Variants in LSG1 observed in about 807,000 individuals in gnomAD.
LSG1 encodes large 60S subunit nuclear export GTPase 1, also known as large subunit GTPase 1 homolog.
A neutral mutation model predicts 82.6 loss-of-function variants in LSG1; 55 were observed. The observed-to-expected ratio is 0.67, with a 90% confidence interval of 0.54 to 0.83. The LOEUF (loss-of-function observed/expected upper bound fraction) is 0.83, where lower values mean the gene tolerates loss of function less well. LSG1 is among the 40% of genes least tolerant of loss of function. The pLI is 0.00. For missense variants in LSG1, 809 were observed against 807.9 expected (o/e 1.00, Z -0.02); for synonymous variants, 272 against 282.5 (o/e 0.96, Z 0.37).
In LSG1 at chr3:194,640,827, T is replaced by A. The variant is rs9258; in HGVS notation, c.*1241A>T. On this transcript the variant is annotated 3_prime_UTR_variant, in exon 14 of 14. Transcript: ENST00000265245. The stretch of plus-strand genomic sequence containing the variant: ...AAGAGGTTTAATTGGCTCACGGTCC[T>A]GTAGATGGTACAGGAAGCACAGCAG... The A allele has an allele frequency of 0.44, 66,282 of 151,806 alleles. 15,026 individuals carry two copies. Among genetic ancestry groups the A allele is most frequent in the Non-Finnish European group, 0.47 (32,085 of 67,984 alleles). 9.4% of individuals were successfully genotyped at this position (151,806 alleles called of 1,614,324 possible). A position where few individuals can be genotyped will look rare whatever the true frequency, so the allele number is the denominator to read the frequency against.
intron 1 of LSG1, among the ~76,000 whole-genome samples, chr3:194,671,269 G>A (rs1422264840): frequency 6.6e-6 from 1 of 152,138 alleles, no homozygotes; most frequent in Non-Finnish European, 1.5e-5. Flanking sequence ...TTGCTTCAAA[G>A]CTAATAAAAA....
intron 7 of LSG1, among the ~76,000 whole-genome samples, chr3:194,656,513 G>A (rs917284578): frequency 6.6e-6 from 1 of 152,034 alleles, no homozygotes; most frequent in Admixed American, 6.6e-5. Context: ...TGCTGGAGAG[G>A]ATGTGGAGAA....
chr3:194,648,841 CCCT>C, intron 10 of LSG1, 37 bp from the exon 11 acceptor site: 1 of 1,611,758 alleles, frequency 6.2e-7, no homozygotes, highest in South Asian at 1.1e-5. Flanking sequence ...TGAACGGACT[CCCT>C]CCTCCCCATG....
At chr3:194,646,936 A>AT (rs35226885) in intron 11 of LSG1, among the ~76,000 whole-genome samples, 1 of 152,176 alleles carries the variant, frequency 6.6e-6, no homozygotes, top group Admixed American at 6.5e-5. Context: ...ATGTACCTAC[A>AT]TTTTTTTCCC....
At chr3:194,667,945 ATAT>A (rs1560229903) in intron 2 of LSG1, among the ~76,000 whole-genome samples, 4,904 of 71,952 alleles carry the variant, frequency 0.068, 408 homozygotes, top group African/African-American at 0.12. Flanking sequence ...AAAAAAAAAT[ATAT>A]ATATATATAT....
rs1032206932 is a variant in LSG1, at chr3:194,641,978, T to C, written c.*90A>G. 4 of 1,399,054 alleles carry C rather than the reference T, an allele frequency of 2.9e-6. 1 individual carries two copies. The highest frequency in any genetic ancestry group is 2.9e-5 in the African/African-American group (2 of 69,846). The allele number at this position is 1,399,054 out of a possible 1,614,324, so 86.7% of individuals were successfully genotyped here. On this transcript the variant is annotated 3_prime_UTR_variant, in exon 14 of 14. Coordinates refer to ENST00000265245, the MANE Select transcript of LSG1 (RefSeq NM_018385.3). Reference sequence around the variant, plus strand: ...AAGAGCAGGGCCCGTTCTACAGTGCTAGTGTCTTGGGACGGTTCCACAGGC... The same window carrying C: ...AAGAGCAGGGCCCGTTCTACAGTGCCAGTGTCTTGGGACGGTTCCACAGGC...
At chr3:194,644,364 G>C (rs1255911109) in intron 13 of LSG1, among the ~76,000 whole-genome samples, 25 of 113,174 alleles carry the variant, frequency 2.2e-4, no homozygotes, top group Non-Finnish European at 3.6e-4. Flanking sequence ...GCGAGACTCC[G>C]TCTCAAAAAA....
chr3:194,665,687 A>T (rs377507173), intron 4 of LSG1, 44 bp from the exon 5 acceptor site: 4 of 1,225,392 alleles, frequency 3.3e-6, no homozygotes, highest in Non-Finnish European at 4.8e-6. Flanking sequence ...AGATTATAAT[A>T]GACAATTTTT....
In LSG1 at chr3:194,658,894, G is replaced by C; in HGVS notation, c.759+63C>G. 2.1e-6 allele frequency: 3 copies of C among 1,426,590 alleles called. No individual in the cohort carries two copies. In the South Asian group the frequency reaches 3.9e-5, roughly 18 times the overall value. The allele number at this position is 1,426,590 out of a possible 1,614,324, so 88.4% of individuals were successfully genotyped here. A position where few individuals can be genotyped will look rare whatever the true frequency, so the allele number is the denominator to read the frequency against. On this transcript the variant is annotated intron_variant, in intron 7 of 13. Coordinates refer to ENST00000265245, the MANE Select transcript of LSG1 (RefSeq NM_018385.3). ...TAAGAATAAACAAAACACAAACGAAGCACATTAACAAGAAATCAAAATTCC... is the reference window on the plus strand; with the variant it reads ...TAAGAATAAACAAAACACAAACGAACCACATTAACAAGAAATCAAAATTCC...
intron 5 of LSG1, among the ~76,000 whole-genome samples, chr3:194,664,242 CG>C (rs1243812629): frequency 1.8e-4 from 28 of 152,242 alleles, no homozygotes; most frequent in African/African-American, 6.7e-4. Context: ...TGTGAGCCAC[CG>C]CGCTGGGCCC....
At chr3:194,653,392 G>GT (rs1435895784) in intron 7 of LSG1, among the ~76,000 whole-genome samples, 1 of 152,048 alleles carries the variant, frequency 6.6e-6, no homozygotes, top group Non-Finnish European at 1.5e-5. Context: ...GTGCACACCT[G>GT]TAATCCCAGC....
At chr3:194,670,797 T>A (rs1719127170) in intron 1 of LSG1, among the ~76,000 whole-genome samples, 1 of 151,888 alleles carries the variant, frequency 6.6e-6, no homozygotes, top group Non-Finnish European at 1.5e-5. Flanking sequence ...TAAAAAAAAA[T>A]TGCCAGGCGT....
At chr3:194,655,293 C>A (rs936423699) in intron 7 of LSG1, among the ~76,000 whole-genome samples, 2 of 152,140 alleles carry the variant, frequency 1.3e-5, no homozygotes, top group Non-Finnish European at 2.9e-5. Flanking sequence ...AATTTCATTT[C>A]CCTTTGTTAT....
At chr3:194,648,543 T>C (rs1248070937) in intron 11 of LSG1, 138 bp downstream of exon 11, 8 of 1,055,978 alleles carry the variant, frequency 7.6e-6, no homozygotes, top group Non-Finnish European at 9.3e-6. Context: ...AGACGAAAGA[T>C]GGCTTGAAAA....
chr3:194,672,148 T>A lies in LSG1; in HGVS notation c.15A>T (p.Arg5Ser), dbSNP rs760568884. Residue 5 changes from arginine to serine, a missense_variant, in exon 1 of 14, where the codon AGA becomes AGT. Physicochemically the swap from Arg to Ser is moderately radical, Grantham distance 110. Transcript: ENST00000265245. MGRR[R>S]APAGGSLGRA... is the part of the protein sequence containing the mutation. Reference sequence around the variant, plus strand: ...GTCCCAGCGACCCACCGGCCGGGGCTCTCCTCCGGCCCATGGCAACACGAC... The same window carrying A: ...GTCCCAGCGACCCACCGGCCGGGGCACTCCTCCGGCCCATGGCAACACGAC... 2 of 1,603,076 alleles carry A rather than the reference T, an allele frequency of 1.2e-6. No individual in the cohort carries two copies. Among genetic ancestry groups the A allele is most frequent in the Non-Finnish European group, 1.7e-6 (2 of 1,179,362 alleles).
chr3:194,657,457 A>AGTT lies in LSG1; in HGVS notation c.759+1497_759+1499dup, dbSNP rs1553846288. ...AAGATGGGATGAGGTTTGCTTAGTA[A>AGTT]GTTTTTTTTTTTTTTTTTTTGATAT... is the stretch of plus-strand genomic sequence containing the variant. On this transcript the variant is annotated intron_variant, in intron 7 of 13. Coordinates refer to ENST00000265245, the MANE Select transcript of LSG1 (RefSeq NM_018385.3). 6.1e-5 allele frequency among the ~76,000 whole-genome samples: 5 copies of AGTT among 81,696 alleles called. No homozygotes were observed. In the Admixed American group the frequency reaches 7.5e-4, roughly 12 times the overall value. The allele number at this position is 81,696 out of a possible 152,430, so 53.6% of individuals were successfully genotyped here. A position where few individuals can be genotyped will look rare whatever the true frequency, so the allele number is the denominator to read the frequency against.
chr3:194,659,972 CAG>C, intron 6 of LSG1, 99 bp downstream of exon 6: 1 of 1,023,578 alleles, frequency 9.8e-7, no homozygotes, highest in Non-Finnish European at 1.5e-6. Context: ...TAAACGAAGC[CAG>C]AGAGGGCAGA....
In LSG1 at chr3:194,641,966, G is replaced by A. The variant is rs377416930; in HGVS notation, c.*102C>T. ...GCCGTGCTCTGCAAGAGCAGGGCCC[G>A]TTCTACAGTGCTAGTGTCTTGGGAC... On this transcript the variant is annotated 3_prime_UTR_variant, in exon 14 of 14. Coordinates refer to ENST00000265245, the MANE Select transcript of LSG1 (RefSeq NM_018385.3). 2.6e-4 allele frequency: 341 copies of A among 1,307,816 alleles called. No homozygotes were observed. The highest frequency in any genetic ancestry group is 3.2e-4 in the Non-Finnish European group (298 of 941,602). 81.0% of individuals were successfully genotyped at this position (1,307,816 alleles called of 1,614,324 possible).
rs530144322 is a variant in LSG1 at position 194,641,780 on chromosome 3, A to AT, written c.*287dup. Reference sequence around the variant, plus strand: ...AGGTGCGCGCCACCACGCCTGGCTAATTTTTTTGTATTTTTAGTAGAGACG... The same window carrying AT: ...AGGTGCGCGCCACCACGCCTGGCTAATTTTTTTTGTATTTTTAGTAGAGACG... On this transcript the variant is annotated 3_prime_UTR_variant, in exon 14 of 14. Transcript: ENST00000265245. 326 of 240,014 alleles carry AT rather than the reference A, an allele frequency of 1.4e-3. 1 individual carries two copies. Among genetic ancestry groups the AT allele is most frequent in the African/African-American group, 4.0e-3 (175 of 44,132 alleles). The allele number at this position is 240,014 out of a possible 1,614,324, so 14.9% of individuals were successfully genotyped here.
Sources: allele counts gnomAD v4.1 joint callset (sites outside exome capture counted in the v4.1 genomes callset), GRCh38; gene constraint gnomAD v4.1.1; transcripts MANE v1.5; gene names NCBI Gene and HGNC (gene_info 2026-07-23, HGNC 2026-07-21).